ZNF878: variants seen among roughly 807,000 people sequenced by gnomAD.
ZNF878 encodes zinc finger protein 878.
In ZNF878, 10 loss-of-function variants were observed where a neutral mutation model predicts 11.1. The ratio of observed to expected loss-of-function variants is 0.90; its 90% CI spans 0.56 to 1.53. The LOEUF (loss-of-function observed/expected upper bound fraction) is 1.53, where lower values mean the gene tolerates loss of function less well. Among genes scored for constraint, ZNF878 ranks in the 40% most tolerant of loss-of-function variants. The probability of loss-of-function intolerance (pLI) is 0.00; values close to 1 mark genes in which losing one functional copy is unlikely to be tolerated. For synonymous variants in ZNF878, 165 were observed against 209.7 expected, an observed-to-expected ratio of 0.79 and a Z score of 1.84; for missense variants, 548 against 626.1, an observed-to-expected ratio of 0.88 and a Z score of 1.33.
At chr19:12,047,636 C>G (rs1975507487) in intron 1 of ZNF878, among the ~76,000 whole-genome samples, 1 of 151,628 alleles carries the variant, frequency 6.6e-6, no homozygotes, top group South Asian at 2.1e-4. Context: ...AAAAAGAAAC[C>G]TTTCTGGGAA....
At position 12,044,553 on chromosome 19, in the gene ZNF878, T is replaced by C. The variant is rs373603905; in HGVS notation, c.848A>G (p.Tyr283Cys). Residue 283 changes from tyrosine (Y) to cysteine (C), a missense_variant, in exon 4 of 4, where the codon TAT (tyrosine) becomes TGT (cysteine). Transcript: ENST00000547628. ...GGCTTTCCTACATTGTGTACACTCA[T>C]AGGGTTTCTCTCCACTGTGAGTCCT... ...HERTHSGEKPYECTQCRKAFR... is the reference protein window; with the variant it reads ...HERTHSGEKPCECTQCRKAFR... 2 of 1,614,054 alleles carry C rather than the reference T, an allele frequency of 1.2e-6. No individual in the cohort carries two copies. The highest frequency in any genetic ancestry group is 1.7e-6 in the Non-Finnish European group (2 of 1,180,000).
chr19:12,047,853 T>C (rs1196631580), intron 1 of ZNF878, among the ~76,000 whole-genome samples: 2 of 152,174 alleles, frequency 1.3e-5, no homozygotes, highest in Non-Finnish European at 2.9e-5. Context: ...CATGAAAGGC[T>C]AGATGGTTGA....
rs1484740832 is a variant in ZNF878 at position 12,044,399 on chromosome 19, AGT to A, written c.1000_1001del (p.Thr334TrpfsTer6). The A allele has an allele frequency of 8.1e-6, 13 of 1,613,618 alleles. No individual in the cohort carries two copies. Among genetic ancestry groups the A allele is most frequent in the Non-Finnish European group, 1.1e-5 (13 of 1,179,932 alleles). On this transcript the variant is annotated frameshift_variant, in exon 4 of 4. Transcript: ENST00000547628. LOFTEE classifies it low-confidence loss of function (END_TRUNC). ...TSFRYHEKTH[T>X]GEKPYECKKC... Reference sequence around the variant, plus strand: ...TTTTACATTCATAAGGTTTCTCTCCAGTGTGAGTCTTTTCATGATAGCGAAAG... The same window carrying A: ...TTTTACATTCATAAGGTTTCTCTCCAGTGAGTCTTTTCATGATAGCGAAAG...
chr19:12,045,606 C>G (rs186450608), intron 3 of ZNF878, among the ~76,000 whole-genome samples: 2 of 151,956 alleles, frequency 1.3e-5, no homozygotes, highest in Admixed American at 6.5e-5. Context: ...GAGATCACAC[C>G]GCTGCACTCC....
Position 12,044,355 on chromosome 19 carries a change from C to G in ZNF878, c.1046G>C (p.Ser349Thr). ...YECKKCVKAF[S>T]FVKDLRIHER... ...ATGTATTCGAAGATCCTTGACAAAA[C>G]TGAAGGCTTTCACACATTTTTTACA... Residue 349 changes from serine (S) to threonine (T), a missense_variant, in exon 4 of 4, where the codon AGT becomes ACT. By Grantham distance (58) the Ser-to-Thr change is moderately conservative (BLOSUM62 1). This residue lies in a region of ZNF878 where 335 missense variants were observed against 358.2 expected (regional missense o/e 0.94). Coordinates refer to ENST00000547628, the MANE Select transcript of ZNF878 (RefSeq NM_001080404.3). The G allele has an allele frequency of 6.2e-7, 1 of 1,612,320 alleles. No homozygotes were observed. The highest frequency in any genetic ancestry group is 8.5e-7 in the Non-Finnish European group (1 of 1,178,926).
chr19:12,043,689 C>T (rs1312244393), downstream of ZNF878: 1 of 1,037,988 alleles, frequency 9.6e-7, no homozygotes, highest in Non-Finnish European at 1.4e-6. Flanking sequence ...AATCCTCCTG[C>T]CTTGGCTTCC....
At position 12,052,780 on chromosome 19, in the gene ZNF878, C is replaced by T. The variant is rs979751439; in HGVS notation, c.3+19G>A. On this transcript the variant is annotated intron_variant, in intron 1 of 3. Transcript: ENST00000547628. ...AGTCCCTCCTTTCGCCTTGGGACTC[C>T]CCAGCACCGCATGCTCACCATTTCC... 2.6e-6 allele frequency: 4 copies of T among 1,535,942 alleles called. No homozygotes were observed. The highest frequency in any genetic ancestry group is 3.5e-6 in the Non-Finnish European group (4 of 1,146,726).
chr19:12,048,727 G>C (rs2145526021), intron 1 of ZNF878, among the ~76,000 whole-genome samples: 1 of 151,214 alleles, frequency 6.6e-6, no homozygotes, highest in East Asian at 1.9e-4. Flanking sequence ...CCAGCTACTT[G>C]GGGGGCCGAG....
Position 12,052,908 on chromosome 19 carries a change from C to T in ZNF878, c.-107G>A. ...GCAGCTACGGCGGAAGTAACTGGTC[C>T]CTCTCGGAGCAAGAAAGCCCCAGAC... is the stretch of plus-strand genomic sequence containing the variant. On this transcript the variant is annotated 5_prime_UTR_variant, in exon 1 of 4. Coordinates refer to ENST00000547628, the MANE Select transcript of ZNF878 (RefSeq NM_001080404.3). The T allele has an allele frequency of 6.8e-7, 1 of 1,480,868 alleles. No individual in the cohort carries two copies. The highest frequency in any genetic ancestry group is 9.1e-7 in the Non-Finnish European group (1 of 1,100,810). 91.7% of individuals were successfully genotyped at this position (1,480,868 alleles called of 1,614,324 possible). A position where few individuals can be genotyped will look rare whatever the true frequency, so the allele number is the denominator to read the frequency against.
intron 1 of ZNF878, among the ~76,000 whole-genome samples, chr19:12,048,445 G>A (rs1455595374): frequency 1.3e-5 from 2 of 151,380 alleles, no homozygotes; most frequent in African/African-American, 2.4e-5. Context: ...ATGAACCCGG[G>A]AGGCGGAGCT....
downstream of ZNF878, chr19:12,043,774 C>T: frequency 1.3e-6 from 2 of 1,546,444 alleles, no homozygotes; most frequent in African/African-American, 1.4e-5. Context: ...CATCTAAGGA[C>T]TTTACCATAT....
At chr19:12,050,980 C>T (rs1221835869) in intron 1 of ZNF878, among the ~76,000 whole-genome samples, 1 of 150,460 alleles carries the variant, frequency 6.6e-6, no homozygotes, top group African/African-American at 2.4e-5. Flanking sequence ...CCTGTAGTCC[C>T]AGCTACTTGG....
chr19:12,044,429 A>G lies in ZNF878; in HGVS notation c.972T>C (p.Thr324=), dbSNP rs756294972. The part of the protein sequence containing the change: ...KLCGKGFISS[T]SFRYHEKTHT... ...GAGTCTTTTCATGATAGCGAAAGGA[A>G]GTGGAAGAAATAAATCCCTTACCAC... is the stretch of plus-strand genomic sequence containing the variant. Residue 324 remains threonine (T), a synonymous_variant, in exon 4 of 4, where the codon ACT becomes ACC. Coordinates refer to ENST00000547628, the MANE Select transcript of ZNF878 (RefSeq NM_001080404.3). The G allele has an allele frequency of 6.2e-7, 1 of 1,612,960 alleles. No individual in the cohort carries two copies. The highest frequency in any genetic ancestry group is 8.5e-7 in the Non-Finnish European group (1 of 1,179,676).
Position 12,046,724 on chromosome 19 carries a change from T to G in ZNF878, c.40A>C (p.Thr14Pro). ...VAFEDVAVNF[T>P]QEEWALLDPS... is the part of the protein sequence containing the mutation. ...TCCAGCAAAGCCCACTCCTCCTGGGTGAAGTTCACAGCCACATCCTCAAAG... is the reference window on the plus strand; with the variant it reads ...TCCAGCAAAGCCCACTCCTCCTGGGGGAAGTTCACAGCCACATCCTCAAAG... Residue 14 changes from threonine to proline, a missense_variant, in exon 2 of 4, where the codon ACC becomes CCC. Physicochemically the swap from Thr to Pro is conservative, Grantham distance 38. Around this residue, in one of 3 missense-constraint regions of ZNF878, gnomAD observed 160 missense variants for 173.3 expected, o/e 0.92. Coordinates refer to ENST00000547628, the MANE Select transcript of ZNF878 (RefSeq NM_001080404.3). The G allele has an allele frequency of 6.2e-7, 1 of 1,614,038 alleles. No homozygotes were observed. Among genetic ancestry groups the G allele is most frequent in the South Asian group, 1.1e-5 (1 of 91,076 alleles).
rs757237751 is a variant in ZNF878 at position 12,044,483 on chromosome 19, AGT to A, written c.916_917del (p.Thr306TrpfsTer6). 6.0e-5 allele frequency: 96 copies of A among 1,613,402 alleles called. 1 individual carries two copies. The highest frequency in any genetic ancestry group is 8.0e-5 in the Non-Finnish European group (94 of 1,179,852). On this transcript the variant is annotated frameshift_variant, in exon 4 of 4. Transcript: ENST00000547628. LOFTEE classifies it low-confidence loss of function (END_TRUNC). ...GCTTACACTCATAGGGTTTCTCTCC[AGT>A]GTGTTTTCTTTCATGTACTCGCAGG... ...KYLRVHERKH[T>X]GEKPYECKLC...
intron 3 of ZNF878, among the ~76,000 whole-genome samples, chr19:12,045,554 G>A (rs1408045871): frequency 1.3e-5 from 2 of 152,046 alleles, no homozygotes; most frequent in Non-Finnish European, 2.9e-5. Flanking sequence ...GGCTGAGGCA[G>A]GAGAATAGTG....
intron 1 of ZNF878, among the ~76,000 whole-genome samples, chr19:12,049,375 C>T (rs1341360559): frequency 3.0e-5 from 4 of 135,412 alleles, no homozygotes; most frequent in South Asian, 2.3e-4. Context: ...GAAGGAGAAT[C>T]GCTTGGACCC....
chr19:12,052,736 G>A (rs1238017295), intron 1 of ZNF878, 63 bp downstream of exon 1: 1 of 1,531,914 alleles, frequency 6.5e-7, no homozygotes, highest in Non-Finnish European at 8.7e-7. Context: ...GCCACAGCGG[G>A]TTCCTCTCGG....
rs374056486 is a variant in ZNF878, at chr19:12,045,191, T to A, written c.210A>T (p.Arg70Ser). The change falls in exon 4 of 4, where the codon AGA becomes AGT. Residue 70 changes from arginine to serine, a missense_variant. This residue lies in a region of ZNF878 where 160 missense variants were observed against 173.3 expected (regional missense o/e 0.92). Transcript: ENST00000547628. ...GATGACTTTCTTTACTTTCAGAGAG[T>A]CTCTCCCCTATAAGTCTTCTGTGAA... is the stretch of plus-strand genomic sequence containing the variant. ...RRNLRRLIGE[R>S]LSESKESHQH... 6.2e-6 allele frequency: 10 copies of A among 1,607,552 alleles called. No individual in the cohort carries two copies. In the African/African-American group the frequency reaches 1.3e-4, roughly 22 times the overall value.
Sources: gnomAD v4.1 joint callset for allele counts (sites outside exome capture counted in the v4.1 genomes callset) on GRCh38, gnomAD v4.1.1 for gene constraint, gnomAD v4.1.1 regional missense constraint, MANE v1.5 for transcripts, NCBI Gene and HGNC (gene_info 2026-07-23, HGNC 2026-07-21) for gene names.